Variants in PXN observed in about 807,000 individuals in gnomAD.
PXN encodes the protein testicular tissue protein Li 134.
A neutral mutation model predicts 103.6 loss-of-function variants in PXN; 61 were observed. The observed-to-expected ratio is 0.59, with a 90% confidence interval of 0.48 to 0.73. The LOEUF (loss-of-function observed/expected upper bound fraction) is 0.73. Among genes scored for constraint, PXN ranks in the 30% least tolerant of loss-of-function variants. The probability of loss-of-function intolerance (pLI) is 0.00; values close to 1 mark genes in which losing one functional copy is unlikely to be tolerated. For missense variants in PXN, 1,274 were observed against 1,460.3 expected, an observed-to-expected ratio of 0.87 and a Z score of 2.08; for synonymous variants, 562 against 607.8, an observed-to-expected ratio of 0.92 and a Z score of 1.11.
chr12:120,226,145 G>A (rs1566398653), intron 1 of PXN: 1 of 1,191,902 alleles, frequency 8.4e-7, no homozygotes, highest in East Asian at 5.9e-5. Context: ...GCCTCTCCAG[G>A]GCCACACCTG....
intron 1 of PXN, among the ~76,000 whole-genome samples, chr12:120,254,681 G>A (rs1416171696): frequency 1.3e-5 from 2 of 151,936 alleles, no homozygotes; most frequent in Non-Finnish European, 2.9e-5. Context: ...CTCCCAAATA[G>A]CTGGAATTAC....
At position 120,215,521 on chromosome 12, in the gene PXN, C is replaced by G; in HGVS notation, c.2403+39G>C. The G allele has an allele frequency of 3.3e-6, 5 of 1,538,444 alleles. No homozygotes were observed. In the South Asian group the frequency reaches 6.1e-5, roughly 19 times the overall value. On this transcript the variant is annotated intron_variant, in intron 10 of 14. Coordinates refer to ENST00000637617, the MANE Select transcript of PXN (RefSeq NM_001385981.1). The surrounding 1 kb of genome is among the most constrained non-coding windows in gnomAD (Gnocchi z 4.9). ...CAGGCATGGCCAAGCCCAGGGAGAG[C>G]ACGACACGCAGGACACCCAGCCCAG...
At chr12:120,263,655 T>C (rs2136750278) in intron 1 of PXN, among the ~76,000 whole-genome samples, 1 of 152,252 alleles carries the variant, frequency 6.6e-6, no homozygotes, top group East Asian at 1.9e-4. Flanking sequence ...GGCTTTAAGG[T>C]GGAATCTGAT....
chr12:120,249,246 A>C (rs1891739970), intron 1 of PXN, among the ~76,000 whole-genome samples: 1 of 152,122 alleles, frequency 6.6e-6, no homozygotes, highest in Admixed American at 6.5e-5. Context: ...AGCAGCTCTG[A>C]CTGAAGAAGA....
chr12:120,255,833 C>G (rs1484970491), intron 1 of PXN, among the ~76,000 whole-genome samples: 1 of 151,544 alleles, frequency 6.6e-6, no homozygotes, highest in Admixed American at 6.6e-5. Context: ...ATTACCTGAG[C>G]TCAGGAGTTC....
At position 120,215,962 on chromosome 12, in the gene PXN, G is replaced by C; in HGVS notation, c.2302-301C>G. 7.2e-7 allele frequency: 1 copy of C among 1,385,198 alleles called. No individual in the cohort carries two copies. Among genetic ancestry groups the C allele is most frequent in the Non-Finnish European group, 9.3e-7 (1 of 1,070,658 alleles). 85.8% of individuals were successfully genotyped at this position (1,385,198 alleles called of 1,614,324 possible). A position where few individuals can be genotyped will look rare whatever the true frequency, so the allele number is the denominator to read the frequency against. On this transcript the variant is annotated intron_variant, in intron 9 of 14. Transcript: ENST00000637617. The surrounding 1 kb of genome is among the most constrained non-coding windows in gnomAD (Gnocchi z 4.9). The stretch of plus-strand genomic sequence containing the variant: ...TGGGCCTGGGGGCTGGAAGGGAGGA[G>C]ACAGGTTTCTGGTCTCCCTTCTGGA...
intron 3 of PXN, among the ~76,000 whole-genome samples, chr12:120,223,375 A>G (rs1169033216): frequency 1.3e-5 from 2 of 151,932 alleles, no homozygotes; most frequent in Non-Finnish European, 2.9e-5. Context: ...CGGAGCTTGC[A>G]GTGAGCCGAG....
chr12:120,215,383 A>T lies in PXN; in HGVS notation c.2404-110T>A. On this transcript the variant is annotated intron_variant, in intron 10 of 14. Transcript: ENST00000637617. This position sits in a 1 kb window ranked among gnomAD's most constrained non-coding sequence, Gnocchi z 4.9. ...CTCCTGGACAGATGAGCTGATGGAG[A>T]CAAGAAGTACAACCTCCTCCAGGGG... is the stretch of plus-strand genomic sequence containing the variant. 1.4e-6 allele frequency: 2 copies of T among 1,463,540 alleles called. No individual in the cohort carries two copies. The highest frequency in any genetic ancestry group is 1.8e-6 in the Non-Finnish European group (2 of 1,108,042). The allele number at this position is 1,463,540 out of a possible 1,614,324, so 90.7% of individuals were successfully genotyped here.
In PXN at chr12:120,220,048, C is replaced by G; in HGVS notation, c.875G>C (p.Ser292Thr). 1 of 1,463,140 alleles carries G rather than the reference C, an allele frequency of 6.8e-7. No homozygotes were observed. Among genetic ancestry groups the G allele is most frequent in the Non-Finnish European group, 9.3e-7 (1 of 1,078,072 alleles). 90.6% of individuals were successfully genotyped at this position (1,463,140 alleles called of 1,614,324 possible). A position where few individuals can be genotyped will look rare whatever the true frequency, so the allele number is the denominator to read the frequency against. The stretch of plus-strand genomic sequence containing the variant: ...GGAGCAGTATGAGGACGGAGCAGAG[C>G]TGGACAGCCCCGGGGCACTCAGAGC... ...TVALSAPGLSSSAPSSYCSLP... is the reference protein window; with the variant it reads ...TVALSAPGLSTSAPSSYCSLP... Residue 292 changes from serine to threonine, a missense_variant, in exon 7 of 15, where the codon AGC becomes ACC. Ser to Thr is a moderately conservative substitution (Grantham distance 58). Coordinates refer to ENST00000637617, the MANE Select transcript of PXN (RefSeq NM_001385981.1). This position sits in a 1 kb window ranked among gnomAD's most constrained non-coding sequence, Gnocchi z 6.1.
rs949193266 is a variant in PXN, at chr12:120,224,723, T to A, written c.14-346A>T. 1.8e-6 allele frequency: 1 copy of A among 540,682 alleles called. No individual in the cohort carries two copies. Among genetic ancestry groups the A allele is most frequent in the Non-Finnish European group, 3.5e-6 (1 of 282,184 alleles). 33.5% of individuals were successfully genotyped at this position (540,682 alleles called of 1,614,324 possible). A position where few individuals can be genotyped will look rare whatever the true frequency, so the allele number is the denominator to read the frequency against. On this transcript the variant is annotated intron_variant, in intron 1 of 14. Transcript: ENST00000637617. This position sits in a 1 kb window ranked among gnomAD's most constrained non-coding sequence, Gnocchi z 5.0. ...CGAGTGAAGTGCCTGTCTGGAACTCTGAATCTGCAGGGCAACGCGGAGAGA... is the reference window on the plus strand; with the variant it reads ...CGAGTGAAGTGCCTGTCTGGAACTCAGAATCTGCAGGGCAACGCGGAGAGA...
At chr12:120,230,357 T>A (rs1035421221) in intron 1 of PXN, among the ~76,000 whole-genome samples, 11 of 152,198 alleles carry the variant, frequency 7.2e-5, no homozygotes, top group Non-Finnish European at 1.6e-4. Context: ...ATGGCCTGTC[T>A]ATCCTGTTGG....
intron 1 of PXN, among the ~76,000 whole-genome samples, chr12:120,253,306 C>T (rs577080624): frequency 8.8e-4 from 134 of 152,190 alleles, no homozygotes; most frequent in African/African-American, 3.0e-3. Flanking sequence ...AACCCCGTCT[C>T]TACTAAAAAT....
In PXN at chr12:120,224,377, T is replaced by G. The variant is rs1886183800; in HGVS notation, c.14A>C (p.Asp5Ala). Residue 5 changes from aspartate to alanine, a missense_variant and splice_region_variant, in exon 2 of 15, where the codon GAC becomes GCC. Asp to Ala is a moderately radical substitution (Grantham distance 126, BLOSUM62 -2). This residue lies in a region of PXN where 1,178 missense variants were observed against 1,309.0 expected (regional missense o/e 0.90). Coordinates refer to ENST00000637617, the MANE Select transcript of PXN (RefSeq NM_001385981.1). The surrounding 1 kb of genome is among the most constrained non-coding windows in gnomAD (Gnocchi z 5.0). ...AGACTCCAAGTCCGCCAGCAGGGCG[T>G]CTGCAAAGAGAAGGCACGGGTAGCA... MDDL[D>A]ALLADLESTT... 6.2e-7 allele frequency: 1 copy of G among 1,612,860 alleles called. No individual in the cohort carries two copies. The highest frequency in any genetic ancestry group is 8.5e-7 in the Non-Finnish European group (1 of 1,179,144).
rs1028949740 is a variant in PXN at position 120,222,176 on chromosome 12, T to C, written c.695+373A>G. ...ATGGATTACTGGTTCTCACCCTTAC[T>C]GAGGTAGGTGGTCTTATCCCAGTGA... On this transcript the variant is annotated intron_variant, in intron 5 of 14. Coordinates refer to ENST00000637617, the MANE Select transcript of PXN (RefSeq NM_001385981.1). The surrounding 1 kb of genome is among the most constrained non-coding windows in gnomAD (Gnocchi z 4.7). Among the ~76,000 whole-genome samples the C allele has an allele frequency of 6.6e-6, 1 of 152,312 alleles. No individual in the cohort carries two copies. Among genetic ancestry groups the C allele is most frequent in the Non-Finnish European group, 1.5e-5 (1 of 68,014 alleles).
Position 120,222,544 on chromosome 12 carries a change from C to T in PXN, c.695+5G>A. The T allele has an allele frequency of 1.9e-6, 3 of 1,589,036 alleles. No homozygotes were observed. The highest frequency in any genetic ancestry group is 2.6e-6 in the Non-Finnish European group (3 of 1,168,462). On this transcript the variant is annotated splice_donor_5th_base_variant and intron_variant, in intron 5 of 14. Transcript: ENST00000637617. The surrounding 1 kb of genome is among the most constrained non-coding windows in gnomAD (Gnocchi z 4.7). Reference sequence around the variant, plus strand: ...CCACCTGGGGAGGGCCCAGTGGGTACTCACACGGGGCTGGGCACGGAGCTC... The same window carrying T: ...CCACCTGGGGAGGGCCCAGTGGGTATTCACACGGGGCTGGGCACGGAGCTC...
intron 7 of PXN, among the ~76,000 whole-genome samples, chr12:120,218,752 C>G (rs1017764828): frequency 3.3e-5 from 5 of 152,250 alleles, no homozygotes; most frequent in African/African-American, 1.2e-4. Flanking sequence ...GGACCACATG[C>G]TGTGTTCTAA....
intron 1 of PXN, among the ~76,000 whole-genome samples, chr12:120,234,885 G>A (rs1888734601): frequency 6.6e-6 from 1 of 152,140 alleles, no homozygotes; most frequent in Non-Finnish European, 1.5e-5. Flanking sequence ...GGCCAGCAGG[G>A]GGAGGAGTCG....
chr12:120,240,831 C>A (rs1194054343), intron 1 of PXN, among the ~76,000 whole-genome samples: 1 of 152,158 alleles, frequency 6.6e-6, no homozygotes, highest in Non-Finnish European at 1.5e-5. Context: ...CTCCAGAGGC[C>A]CTGAGTGTCA....
In PXN at chr12:120,220,230, A is replaced by G; in HGVS notation, c.832-139T>C. The G allele has an allele frequency of 2.3e-6, 1 of 443,424 alleles. No individual in the cohort carries two copies. The highest frequency in any genetic ancestry group is 4.0e-6 in the Non-Finnish European group (1 of 251,448). 27.5% of individuals were successfully genotyped at this position (443,424 alleles called of 1,614,324 possible). On this transcript the variant is annotated intron_variant, in intron 6 of 14. Coordinates refer to ENST00000637617, the MANE Select transcript of PXN (RefSeq NM_001385981.1). This position sits in a 1 kb window ranked among gnomAD's most constrained non-coding sequence, Gnocchi z 6.1. ...AGCTGACGCACAGGACTGACCCTTG[A>G]AGGAGACCCAGACCCCAAAAAAGCT...
Sources: allele counts gnomAD v4.1 joint callset (sites outside exome capture counted in the v4.1 genomes callset), GRCh38; gene constraint gnomAD v4.1.1; regional missense constraint gnomAD v4.1.1; non-coding constraint Gnocchi (gnomAD v3.1); transcripts MANE v1.5; gene names NCBI Gene and HGNC (gene_info 2026-07-23, HGNC 2026-07-21).